Variants in PLCB1 observed in about 807,000 individuals in gnomAD.
PLCB1 encodes phospholipase C beta 1.
PLCB1 carries 46 observed loss-of-function variants against 161.8 expected under a neutral mutation model. The ratio of observed to expected loss-of-function variants is 0.28; its 90% CI spans 0.22 to 0.36. PLCB1 has a LOEUF of 0.36. PLCB1 is among the 10% of genes least tolerant of loss of function. The pLI is 1.00. For missense variants in PLCB1, 1,016 were observed against 1,472.5 expected, an observed-to-expected ratio of 0.69 and a Z score of 5.07; for synonymous variants, 517 against 503.7, an observed-to-expected ratio of 1.03 and a Z score of -0.35.
At chr20:8,637,518 A>C (rs1988799889) in intron 4 of PLCB1, among the ~76,000 whole-genome samples, 1 of 152,218 alleles carries the variant, frequency 6.6e-6, no homozygotes, top group Non-Finnish European at 1.5e-5. Flanking sequence ...AGATAAATGA[A>C]AAAGACTTAA....
chr20:8,201,937 A>C (rs1032197223), intron 2 of PLCB1, among the ~76,000 whole-genome samples: 1 of 152,172 alleles, frequency 6.6e-6, no homozygotes, highest in Non-Finnish European at 1.5e-5. Flanking sequence ...GGTTTTGTAG[A>C]TCCTTCTTGA....
intron 2 of PLCB1, among the ~76,000 whole-genome samples, chr20:8,268,889 C>G (rs1982124809): frequency 1.2e-5 from 1 of 86,228 alleles, no homozygotes; most frequent in Non-Finnish European, 2.9e-5. Flanking sequence ...TTCACAGATA[C>G]AAAATGAGAT....
chr20:8,428,162 C>T (rs1979868080), intron 3 of PLCB1, among the ~76,000 whole-genome samples: 1 of 151,960 alleles, frequency 6.6e-6, no homozygotes, highest in Admixed American at 6.6e-5. Context: ...TGACTTGAGT[C>T]TCTCTAATAA....
chr20:8,695,405 A>G lies in PLCB1; in HGVS notation c.1010-2221A>G, dbSNP rs572126631. 9.9e-5 allele frequency among the ~76,000 whole-genome samples: 15 copies of G among 152,284 alleles called. No homozygotes were observed. The South Asian group carries it at 3.1e-3, about 32-fold the overall frequency. On this transcript the variant is annotated intron_variant, in intron 10 of 31. Coordinates refer to ENST00000338037, the MANE Select transcript of PLCB1 (RefSeq NM_015192.4). ...TATGCCATCTTTTAACTGGCTATTT[A>G]AAAAAATGATGGTAGGCCAAATGTG...
In PLCB1 at chr20:8,800,721, A is replaced by G. The variant is rs146160703; in HGVS notation, c.3423+10460A>G. Among the ~76,000 whole-genome samples, 632 of 122,496 alleles carry G rather than the reference A, an allele frequency of 5.2e-3. 5 individuals are homozygous for G. The highest frequency in any genetic ancestry group is 0.015 in the Middle Eastern group (4 of 266). The allele number at this position is 122,496 out of a possible 152,430, so 80.4% of individuals were successfully genotyped here. ...CACCTTTCGTATTATCCAAAAAAGA[A>G]AAAAGCTTACTCTTAGGTTTTGCAA... On this transcript the variant is annotated intron_variant, in intron 31 of 31. Transcript: ENST00000338037.
In PLCB1 at chr20:8,273,456, G is replaced by A. The variant is rs73895719; in HGVS notation, c.178-97926G>A. 8.8e-3 allele frequency among the ~76,000 whole-genome samples: 1,335 copies of A among 152,042 alleles called. 26 individuals are homozygous for A. Among genetic ancestry groups the A allele is most frequent in the African/African-American group, 0.03 (1,253 of 41,476 alleles). ...GCTATATTTTATATATACATCATTT[G>A]GCAACAGTAATTCACTTCTAAGCTT... is the stretch of plus-strand genomic sequence containing the variant. On this transcript the variant is annotated intron_variant, in intron 2 of 31. Transcript: ENST00000338037.
At chr20:8,244,619 A>T (rs976061434) in intron 2 of PLCB1, among the ~76,000 whole-genome samples, 27 of 151,810 alleles carry the variant, frequency 1.8e-4, no homozygotes, top group African/African-American at 6.3e-4. Context: ...AATTTTGGAG[A>T]TGGAGATGTC....
intron 7 of PLCB1, chr20:8,653,084 A>C (rs1324121080): frequency 6.6e-6 from 1 of 152,070 alleles, no homozygotes; most frequent in African/African-American, 2.4e-5. Context: ...GCTCAGTGAC[A>C]TCTGGAATTG....
At chr20:8,404,159 A>G (rs939684107) in intron 3 of PLCB1, among the ~76,000 whole-genome samples, 1 of 152,152 alleles carries the variant, frequency 6.6e-6, no homozygotes, top group African/African-American at 2.4e-5. Flanking sequence ...TTGACAATCA[A>G]CTTTCATTGA....
At chr20:8,306,713 G>T (rs920837780) in intron 2 of PLCB1, among the ~76,000 whole-genome samples, 6 of 152,204 alleles carry the variant, frequency 3.9e-5, no homozygotes, top group Non-Finnish European at 5.9e-5. Context: ...AGTGAATGAA[G>T]AACTCTCCTT....
intron 2 of PLCB1, among the ~76,000 whole-genome samples, chr20:8,249,204 T>C (rs1981023080): frequency 6.6e-6 from 1 of 151,960 alleles, no homozygotes; most frequent in Non-Finnish European, 1.5e-5. Flanking sequence ...ACATAAGAAA[T>C]AGAGTTATTT....
intron 3 of PLCB1, among the ~76,000 whole-genome samples, chr20:8,539,674 TTCTTTC>T (rs1259750531): frequency 0.028 from 2,746 of 97,518 alleles, 82 homozygotes; most frequent in African/African-American, 0.053. Context: ...CTTTCTTTCT[TTCTTTC>T]TTTCTTTTTC....
At chr20:8,832,144 C>CAT (rs1600366680) in intron 31 of PLCB1, among the ~76,000 whole-genome samples, 1 of 152,128 alleles carries the variant, frequency 6.6e-6, no homozygotes, top group African/African-American at 2.4e-5. Flanking sequence ...ATGTCACTGG[C>CAT]ATATGACCTT....
At chr20:8,169,473 A>G (rs2051710256) in intron 2 of PLCB1, among the ~76,000 whole-genome samples, 1 of 152,222 alleles carries the variant, frequency 6.6e-6, no homozygotes, top group African/African-American at 2.4e-5. Flanking sequence ...TAGGTGCTTC[A>G]CAACTGCTAC....
chr20:8,182,184 C>T (rs2051851324), intron 2 of PLCB1, among the ~76,000 whole-genome samples: 1 of 152,110 alleles, frequency 6.6e-6, no homozygotes, highest in South Asian at 2.1e-4. Flanking sequence ...CCATGTGAAC[C>T]AGGTGTGCAG....
At chr20:8,537,673 G>T (rs192482678) in intron 3 of PLCB1, among the ~76,000 whole-genome samples, 2 of 152,082 alleles carry the variant, frequency 1.3e-5, no homozygotes, top group East Asian at 3.9e-4. Flanking sequence ...CAGCTATAGA[G>T]TGTAAAAGCT....
intron 3 of PLCB1, among the ~76,000 whole-genome samples, chr20:8,602,216 T>C (rs1987608809): frequency 6.8e-6 from 1 of 147,582 alleles, no homozygotes. Flanking sequence ...CAACACCAAG[T>C]TTTTTTTTTA....
intron 2 of PLCB1, among the ~76,000 whole-genome samples, chr20:8,193,431 AGAG>A (rs1277545629): frequency 2.0e-5 from 3 of 152,120 alleles, no homozygotes; most frequent in South Asian, 4.1e-4. Context: ...GAGAAGAAAA[AGAG>A]GAGGAGGAGA....
intron 3 of PLCB1, among the ~76,000 whole-genome samples, chr20:8,505,446 A>G (rs993730361): frequency 1.3e-5 from 2 of 152,210 alleles, no homozygotes; most frequent in African/African-American, 4.8e-5. Context: ...AGTTAATGCA[A>G]TTGATGAGTA....
Sources: gnomAD v4.1 joint callset for allele counts (sites outside exome capture counted in the v4.1 genomes callset) on GRCh38, gnomAD v4.1.1 for gene constraint, MANE v1.5 for transcripts, NCBI Gene and HGNC (gene_info 2026-07-23, HGNC 2026-07-21) for gene names.